ECPAS: variants seen among roughly 807,000 people sequenced by gnomAD.
ECPAS encodes the protein proteasome adapter and scaffold protein ECM29.
A neutral mutation model predicts 255.1 loss-of-function variants in ECPAS; 70 were observed. The ratio of observed to expected loss-of-function variants is 0.27; its 90% CI spans 0.23 to 0.33. ECPAS has a LOEUF of 0.33. ECPAS is among the 10% of genes least tolerant of loss of function. The pLI, the probability that ECPAS is intolerant of heterozygous loss-of-function variation, is 1.00. For missense variants in ECPAS, 1,817 were observed against 2,206.4 expected (o/e 0.82, Z 3.54); for synonymous variants, 784 against 775.0 (o/e 1.01, Z -0.19).
At chr9:111,453,928 A>G (rs765668816) in intron 2 of ECPAS, among the ~76,000 whole-genome samples, 41 of 152,210 alleles carry the variant, frequency 2.7e-4, no homozygotes, top group Admixed American at 6.5e-4. Flanking sequence ...CCTGGGGGGG[A>G]AAAAAGGACA....
rs188008715 is a variant in ECPAS, at chr9:111,468,785, T to C, written c.22+4112A>G. On this transcript the variant is annotated intron_variant, in intron 2 of 49. Coordinates refer to ENST00000684092, the MANE Select transcript of ECPAS (RefSeq NM_001364929.1). ...AATAAGAAACTAAAGTATAGGGAAT[T>C]CACAAAAATTGGAAATATCAGGCTG... Among the ~76,000 whole-genome samples, 283 of 150,816 alleles carry C rather than the reference T, an allele frequency of 1.9e-3. 4 individuals carry two copies. Among genetic ancestry groups the C allele is most frequent in the African/African-American group, 6.0e-3 (250 of 41,326 alleles).
At chr9:111,480,563 G>C (rs1402620632) in intron 1 of ECPAS, among the ~76,000 whole-genome samples, 1 of 152,082 alleles carries the variant, frequency 6.6e-6, no homozygotes, top group Non-Finnish European at 1.5e-5. Context: ...CTCCTAAAGT[G>C]CTAGGATTAC....
intron 35 of ECPAS, among the ~76,000 whole-genome samples, chr9:111,381,289 A>G (rs1272478431): frequency 6.6e-6 from 1 of 152,180 alleles, no homozygotes; most frequent in East Asian, 1.9e-4. Flanking sequence ...ATTTGAGAAG[A>G]GGGAGAGAGA....
intron 2 of ECPAS, among the ~76,000 whole-genome samples, chr9:111,462,738 ATTT>A (rs34375105): frequency 0.021 from 2,327 of 108,256 alleles, 35 homozygotes; most frequent in African/African-American, 0.075. Flanking sequence ...CATTCATGGA[ATTT>A]TTTTTTTTTT....
chr9:111,394,334 G>C (rs7870283), intron 25 of ECPAS, 29 bp from the exon 26 acceptor site: 1 of 1,480,128 alleles, frequency 6.8e-7, no homozygotes, highest in Non-Finnish European at 9.0e-7. Flanking sequence ...AAATAACAAA[G>C]AATTAAAATA....
At chr9:111,383,567 G>T (rs948282544) in intron 34 of ECPAS, among the ~76,000 whole-genome samples, 7 of 152,176 alleles carry the variant, frequency 4.6e-5, no homozygotes, top group African/African-American at 1.7e-4. Flanking sequence ...CCTCCAATTT[G>T]TGAAATACAG....
rs2098120669 is a variant in ECPAS at position 111,366,646 on chromosome 9, G to A, written c.5114-19C>T. On this transcript the variant is annotated intron_variant, in intron 46 of 49. Transcript: ENST00000684092. The stretch of plus-strand genomic sequence containing the variant: ...TAACAACCTGGGAAAAAAAGACAAG[G>A]TGGGACAGAGCAGGAGACAGTATAA... The A allele has an allele frequency of 6.6e-7, 1 of 1,517,368 alleles. No homozygotes were observed. The highest frequency in any genetic ancestry group is 1.7e-5 in the Admixed American group (1 of 59,496). The allele number at this position is 1,517,368 out of a possible 1,614,324, so 94.0% of individuals were successfully genotyped here. A position where few individuals can be genotyped will look rare whatever the true frequency, so the allele number is the denominator to read the frequency against.
intron 20 of ECPAS, among the ~76,000 whole-genome samples, chr9:111,412,774 A>C (rs1238277762): frequency 6.6e-6 from 1 of 152,224 alleles, no homozygotes; most frequent in Non-Finnish European, 1.5e-5. Context: ...AAGCAATTTC[A>C]TAAGACCAGA....
chr9:111,367,567 T>C (rs4978992), intron 46 of ECPAS, among the ~76,000 whole-genome samples: 23,162 of 152,160 alleles, frequency 0.15, 2,409 homozygotes, highest in East Asian at 0.34. Context: ...TGGACTTCCA[T>C]GGCAGTCTAT....
At chr9:111,483,928 C>T (rs907688265) in intron 1 of ECPAS, 188 bp downstream of exon 1, 20 of 801,212 alleles carry the variant, frequency 2.5e-5, no homozygotes, top group Admixed American at 1.9e-4. Flanking sequence ...GCGGCCCCCC[C>T]GCCGGGCCCC....
chr9:111,373,436 T>C (rs766547801), intron 39 of ECPAS, 30 bp from the exon 40 acceptor site: 16 of 1,585,884 alleles, frequency 1.0e-5, no homozygotes, highest in Admixed American at 1.7e-5. Context: ...AAAAATCTGA[T>C]ACTTGGTTGA....
chr9:111,369,099 C>T lies in ECPAS; in HGVS notation c.5049G>A (p.Leu1683=). ...TTTCAAAGGCACCCAGCAGATATTCCAGCTGGAGCTCCTTTTCCTTTTCAT... is the reference window on the plus strand; with the variant it reads ...TTTCAAAGGCACCCAGCAGATATTCTAGCTGGAGCTCCTTTTCCTTTTCAT... ...EENEKEKELQ[L]EYLLGAFESL... Residue 1683 remains leucine (L), a synonymous_variant, in exon 46 of 50, where the codon CTG becomes CTA. Transcript: ENST00000684092. 1 of 1,607,256 alleles carries T rather than the reference C, an allele frequency of 6.2e-7. No individual in the cohort carries two copies. The highest frequency in any genetic ancestry group is 1.1e-5 in the South Asian group (1 of 89,856).
In ECPAS at chr9:111,442,295, G is replaced by A. The variant is rs1446496971; in HGVS notation, c.389+11C>T. ...TGTAGGAGGGAAATTAGTTAATTGA[G>A]GAAATCATACCTATCCTGCTGTGGC... On this transcript the variant is annotated intron_variant, in intron 5 of 49. Coordinates refer to ENST00000684092, the MANE Select transcript of ECPAS (RefSeq NM_001364929.1). 6.5e-7 allele frequency: 1 copy of A among 1,543,708 alleles called. No individual in the cohort carries two copies. Among genetic ancestry groups the A allele is most frequent in the East Asian group, 2.3e-5 (1 of 44,338 alleles).
intron 1 of ECPAS, chr9:111,483,413 C>G: frequency 1.7e-6 from 1 of 579,838 alleles, no homozygotes; most frequent in Non-Finnish European, 2.2e-6. Flanking sequence ...CCCACCGGGC[C>G]TGGCGCCCCA....
intron 27 of ECPAS, 48 bp downstream of exon 27, chr9:111,393,632 T>TA (rs56901109): frequency 8.0e-7 from 1 of 1,249,808 alleles, no homozygotes. Context: ...TTTGAACATT[T>TA]AAAATACAAG....
intron 46 of ECPAS, 125 bp downstream of exon 46, chr9:111,368,910 A>C: frequency 2.1e-6 from 2 of 940,066 alleles, no homozygotes; most frequent in Non-Finnish European, 3.0e-6. Context: ...TCACTGGATA[A>C]TTCTCATTAT....
intron 6 of ECPAS, among the ~76,000 whole-genome samples, chr9:111,439,091 C>A (rs2098242191): frequency 6.6e-6 from 1 of 152,164 alleles, no homozygotes; most frequent in African/African-American, 2.4e-5. Flanking sequence ...GGCTCACCAT[C>A]TACTAGGGGA....
chr9:111,430,009 G>C (rs187061055), intron 9 of ECPAS, among the ~76,000 whole-genome samples: 1 of 152,356 alleles, frequency 6.6e-6, no homozygotes, highest in Non-Finnish European at 1.5e-5. Flanking sequence ...TTCTAGACCA[G>C]AAGTCTGCAA....
At chr9:111,429,603 AT>A (rs2098226897) in intron 9 of ECPAS, among the ~76,000 whole-genome samples, 1 of 152,222 alleles carries the variant, frequency 6.6e-6, no homozygotes, top group Admixed American at 6.5e-5. Context: ...TGGGGCTAGA[AT>A]TCATAGGTCC....
Sources: gnomAD v4.1 joint callset for allele counts (sites outside exome capture counted in the v4.1 genomes callset) on GRCh38, gnomAD v4.1.1 for gene constraint, MANE v1.5 for transcripts, NCBI Gene and HGNC (gene_info 2026-07-23, HGNC 2026-07-21) for gene names.